The following SLC37A3 variants were observed in gnomAD, a reference collection of about 807,000 sequenced individuals.
The protein encoded by SLC37A3 is solute carrier family 37 member 3.
A neutral mutation model predicts 67.1 loss-of-function variants in SLC37A3; 51 were observed. The observed-to-expected ratio is 0.76, with a 90% CI of 0.61 to 0.96. The LOEUF is 0.96. Ranked by LOEUF, SLC37A3 falls within the 40% of genes least tolerant of loss-of-function variation. The probability of loss-of-function intolerance (pLI) is 0.00; values close to 1 mark genes in which losing one functional copy is unlikely to be tolerated. For synonymous variants in SLC37A3, 214 were observed against 231.4 expected (o/e 0.92, Z 0.68); for missense variants, 508 against 603.0 (o/e 0.84, Z 1.65).
intron 3 of SLC37A3, chr7:140,379,729 CA>C (rs560684616): frequency 1.4e-3 from 175 of 128,350 alleles, no homozygotes; most frequent in Admixed American, 1.6e-3. Flanking sequence ...CCCATCTCTA[CA>C]AAAAAAAAAA....
intron 6 of SLC37A3, among the ~76,000 whole-genome samples, chr7:140,357,759 A>G (rs139669899): frequency 6.6e-6 from 1 of 152,034 alleles, no homozygotes; most frequent in East Asian, 1.9e-4. Context: ...CTGTACTAAA[A>G]ATGCAAAACT....
intron 1 of SLC37A3, among the ~76,000 whole-genome samples, chr7:140,390,590 T>C (rs1451947040): frequency 2.0e-5 from 3 of 152,088 alleles, no homozygotes; most frequent in Admixed American, 2.0e-4. Flanking sequence ...CCCATAGATG[T>C]CAGGGACTGA....
chr7:140,352,673 A>G (rs1477597264), intron 7 of SLC37A3, among the ~76,000 whole-genome samples: 1 of 152,156 alleles, frequency 6.6e-6, no homozygotes, highest in Non-Finnish European at 1.5e-5. Flanking sequence ...ATCAAAGTCA[A>G]TTGCCCATCT....
Position 140,334,493 on chromosome 7 carries a change from G to T in SLC37A3, c.*919C>A, listed in dbSNP as rs1002131613. 6.6e-6 allele frequency: 1 copy of T among 152,594 alleles called. No individual in the cohort carries two copies. The highest frequency in any genetic ancestry group is 2.1e-4 in the South Asian group (1 of 4,828). 9.5% of individuals were successfully genotyped at this position (152,594 alleles called of 1,614,324 possible). A position where few individuals can be genotyped will look rare whatever the true frequency, so the allele number is the denominator to read the frequency against. On this transcript the variant is annotated 3_prime_UTR_variant, in exon 15 of 15. Coordinates refer to ENST00000326232, the MANE Select transcript of SLC37A3 (RefSeq NM_207113.3). ...TCTGCTGAGGTAACTCCAGGAAGCTGCTTGTGCCAGAGATCAATCCTCTAA... is the reference window on the plus strand; with the variant it reads ...TCTGCTGAGGTAACTCCAGGAAGCTTCTTGTGCCAGAGATCAATCCTCTAA...
At chr7:140,350,835 C>T (rs973652827) in intron 9 of SLC37A3, among the ~76,000 whole-genome samples, 1 of 152,168 alleles carries the variant, frequency 6.6e-6, no homozygotes, top group African/African-American at 2.4e-5. Flanking sequence ...AACCCTTCTT[C>T]TTGGTCCACA....
rs537453884 is a variant in SLC37A3 at position 140,385,900 on chromosome 7, A to G, written c.-70-3304T>C. ...CAGGTTCAAGAGATTCTCCTGCCTC[A>G]GCCTCTCGAGTAGCTGGCATTGCAG... On this transcript the variant is annotated intron_variant, in intron 1 of 14. Transcript: ENST00000326232. 1.3e-4 allele frequency among the ~76,000 whole-genome samples: 20 copies of G among 152,228 alleles called. No homozygotes were observed. In the East Asian group the frequency reaches 3.7e-3, roughly 28 times the overall value.
At chr7:140,381,564 A>G (rs1798254640) in intron 2 of SLC37A3, among the ~76,000 whole-genome samples, 1 of 151,900 alleles carries the variant, frequency 6.6e-6, no homozygotes. Context: ...GGCGCCTTTC[A>G]TAAAGATTAA....
At chr7:140,343,273 G>C (rs1796428482) in intron 13 of SLC37A3, 139 bp downstream of exon 13, 3 of 1,143,176 alleles carry the variant, frequency 2.6e-6, no homozygotes, top group African/African-American at 1.6e-5. Flanking sequence ...GGTCCTGAGG[G>C]GAGACGGAAG....
Position 140,335,520 on chromosome 7 carries a change from A to G in SLC37A3, c.1393-16T>C. Reference sequence around the variant, plus strand: ...TACAACTTGTCTGTAAAGAGAAAATAGTATTAAATATGCAGCAACAGTTTA... The same window carrying G: ...TACAACTTGTCTGTAAAGAGAAAATGGTATTAAATATGCAGCAACAGTTTA... On this transcript the variant is annotated splice_polypyrimidine_tract_variant and intron_variant, in intron 14 of 14. Transcript: ENST00000326232. 1.2e-6 allele frequency: 2 copies of G among 1,609,514 alleles called. No homozygotes were observed. Among genetic ancestry groups the G allele is most frequent in the Non-Finnish European group, 8.5e-7 (1 of 1,178,404 alleles).
chr7:140,351,184 CA>C (rs891850752), intron 9 of SLC37A3, 88 bp downstream of exon 9: 5 of 1,306,532 alleles, frequency 3.8e-6, no homozygotes, highest in African/African-American at 3.0e-5. Context: ...AACAGAGGCT[CA>C]ATACTTAAGG....
At position 140,363,041 on chromosome 7, in the gene SLC37A3, G is replaced by A. The variant is rs1231822429; in HGVS notation, c.375+1367C>T. Among the ~76,000 whole-genome samples, 2 of 90,876 alleles carry A rather than the reference G, an allele frequency of 2.2e-5. 1 individual carries two copies. The highest frequency in any genetic ancestry group is 4.9e-5 in the Non-Finnish European group (2 of 40,776). The allele number at this position is 90,876 out of a possible 152,430, so 59.6% of individuals were successfully genotyped here. On this transcript the variant is annotated intron_variant, in intron 5 of 14. Transcript: ENST00000326232. ...ATGGGAAGTGAGGACCCCTCTGCCC[G>A]GCCAGCCGCCCCGTCAGGGAGGGTG... is the stretch of plus-strand genomic sequence containing the variant.
chr7:140,348,483 TTGGCTG>T, intron 10 of SLC37A3, 137 bp downstream of exon 10: 1 of 790,974 alleles, frequency 1.3e-6, no homozygotes, highest in Non-Finnish European at 1.8e-6. Context: ...TTTTTTGAGT[TTGGCTG>T]TTTACTAGTA....
At chr7:140,344,260 T>A (rs1205409705) in intron 12 of SLC37A3, among the ~76,000 whole-genome samples, 1 of 151,784 alleles carries the variant, frequency 6.6e-6, no homozygotes, top group Non-Finnish European at 1.5e-5. Context: ...AAACGCTGTC[T>A]CTACTAAAAA....
At chr7:140,380,667 G>A (rs1003123246) in intron 2 of SLC37A3, among the ~76,000 whole-genome samples, 9 of 151,770 alleles carry the variant, frequency 5.9e-5, no homozygotes, top group Non-Finnish European at 8.8e-5. Flanking sequence ...AGCCCAGCCT[G>A]AGTAGCTGGG....
chr7:140,386,098 T>C (rs557439276), intron 1 of SLC37A3, among the ~76,000 whole-genome samples: 49 of 152,112 alleles, frequency 3.2e-4, no homozygotes, highest in African/African-American at 1.1e-3. Context: ...TATTTATTTA[T>C]TTATTTATTG....
chr7:140,393,105 A>G (rs1798785021), intron 1 of SLC37A3, among the ~76,000 whole-genome samples: 1 of 151,874 alleles, frequency 6.6e-6, no homozygotes, highest in East Asian at 1.9e-4. Context: ...AAAAAAACTC[A>G]AAGGATACAA....
chr7:140,343,501 G>A lies in SLC37A3; in HGVS notation c.1237C>T (p.Gln413Ter), dbSNP rs776875975. Residue 413 changes from glutamine (Q) to a stop codon, truncating the protein, a stop_gained, in exon 13 of 15, where the codon CAG (glutamine) becomes TAG (stop). Coordinates refer to ENST00000326232, the MANE Select transcript of SLC37A3 (RefSeq NM_207113.3). LOFTEE classifies it high-confidence loss of function. ...SSAISADLGR[Q>*]ELIQRSSEAL... ...TCACTGCTCCTTTGGATGAGCTCCT[G>A]GCGACCCAAGTCCGCAGAAATAGCA... 6.2e-7 allele frequency: 1 copy of A among 1,613,932 alleles called. No individual in the cohort carries two copies. The highest frequency in any genetic ancestry group is 8.5e-7 in the Non-Finnish European group (1 of 1,179,966).
chr7:140,355,577 A>G, intron 7 of SLC37A3, 91 bp downstream of exon 7: 1 of 1,156,472 alleles, frequency 8.6e-7, no homozygotes, highest in Non-Finnish European at 1.3e-6. Context: ...ATAGTTTTAA[A>G]TGGCCACAGT....
intron 1 of SLC37A3, among the ~76,000 whole-genome samples, chr7:140,397,214 GAC>G (rs1798971786): frequency 7.0e-6 from 1 of 141,888 alleles, no homozygotes; most frequent in Non-Finnish European, 1.5e-5. Context: ...AAAAAAAAAA[GAC>G]AGAGTCTGGC....
Sources: allele counts gnomAD v4.1 joint callset (sites outside exome capture counted in the v4.1 genomes callset), GRCh38; gene constraint gnomAD v4.1.1; transcripts MANE v1.5; gene names NCBI Gene and HGNC (gene_info 2026-07-23, HGNC 2026-07-21).